Variants in PEX7 observed in about 807,000 individuals in gnomAD.
The protein encoded by PEX7 is PTS2 receptor.
A neutral mutation model predicts 47.5 loss-of-function variants in PEX7; 34 were observed. The ratio of observed to expected loss-of-function variants is 0.72; its 90% confidence interval spans 0.54 to 0.95. The LOEUF (loss-of-function observed/expected upper bound fraction) is 0.95, where lower values mean the gene tolerates loss of function less well. Ranked by LOEUF, PEX7 falls within the 40% of genes least tolerant of loss-of-function variation. The pLI, the probability that PEX7 is intolerant of heterozygous loss-of-function variation, is 0.00. For synonymous variants in PEX7, 141 were observed against 148.8 expected (o/e 0.95, Z 0.38); for missense variants, 394 against 400.3 (o/e 0.98, Z 0.13).
intron 3 of PEX7, among the ~76,000 whole-genome samples, chr6:136,829,851 CAT>C (rs1397800703): frequency 6.6e-6 from 1 of 152,086 alleles, no homozygotes; most frequent in Non-Finnish European, 1.5e-5. Flanking sequence ...GCACAAGAAT[CAT>C]TTGAGCATGG....
intron 8 of PEX7, among the ~76,000 whole-genome samples, chr6:136,896,196 CGTT>C (rs1775647327): frequency 6.6e-6 from 1 of 152,118 alleles, no homozygotes; most frequent in Non-Finnish European, 1.5e-5. Flanking sequence ...AATAAATTCT[CGTT>C]GTTTTGTATT....
At chr6:136,823,815 A>C (rs536011510) in intron 1 of PEX7, among the ~76,000 whole-genome samples, 2 of 152,270 alleles carry the variant, frequency 1.3e-5, no homozygotes, top group Admixed American at 1.3e-4. Context: ...GTTTGAACCC[A>C]GGAGGCAGAG....
intron 9 of PEX7, among the ~76,000 whole-genome samples, chr6:136,902,195 G>A (rs1775764312): frequency 6.6e-6 from 1 of 152,120 alleles, no homozygotes. Flanking sequence ...CCCTTAGAAA[G>A]TATCTTTCTC....
At chr6:136,844,692 T>C (rs1009923772) in intron 3 of PEX7, among the ~76,000 whole-genome samples, 4 of 152,112 alleles carry the variant, frequency 2.6e-5, no homozygotes, top group African/African-American at 9.7e-5. Flanking sequence ...TACTCTACTG[T>C]ATGTTTCTCT....
intron 5 of PEX7, among the ~76,000 whole-genome samples, chr6:136,853,703 A>AC (rs2115186852): frequency 6.6e-6 from 1 of 151,684 alleles, no homozygotes; most frequent in Non-Finnish European, 1.5e-5. Flanking sequence ...AGATTATGCA[A>AC]CTTTCTTTTT....
chr6:136,885,182 G>T (rs539637291), intron 8 of PEX7, among the ~76,000 whole-genome samples: 4 of 152,146 alleles, frequency 2.6e-5, no homozygotes, highest in African/African-American at 7.2e-5. Context: ...ATTAGGAAGA[G>T]CAGCATTCCG....
At chr6:136,913,277 G>A (rs1008205189) in intron 9 of PEX7, among the ~76,000 whole-genome samples, 181 bp from the exon 10 acceptor site, 1 of 152,136 alleles carries the variant, frequency 6.6e-6, no homozygotes, top group Non-Finnish European at 1.5e-5. Flanking sequence ...ATACCCTGAG[G>A]TATATCCTAA....
intron 3 of PEX7, among the ~76,000 whole-genome samples, chr6:136,829,781 TA>T (rs1470820915): frequency 1.3e-5 from 2 of 151,972 alleles, no homozygotes; most frequent in Non-Finnish European, 2.9e-5. Flanking sequence ...CTACTAAAAA[TA>T]AAAAAATTAG....
At chr6:136,825,062 T>C (rs1774162611) in intron 1 of PEX7, 152 bp from the exon 2 acceptor site, 1 of 687,626 alleles carries the variant, frequency 1.5e-6, no homozygotes, top group African/African-American at 1.8e-5. Context: ...AGGGAGAAAT[T>C]GATCACCTGA....
chr6:136,904,768 A>G (rs1775815784), intron 9 of PEX7, among the ~76,000 whole-genome samples: 1 of 151,660 alleles, frequency 6.6e-6, no homozygotes, highest in South Asian at 2.1e-4. Context: ...TCCCATTCTC[A>G]GATATGTCTT....
chr6:136,902,916 G>A (rs775138080), intron 9 of PEX7, among the ~76,000 whole-genome samples: 4 of 151,890 alleles, frequency 2.6e-5, no homozygotes, highest in Non-Finnish European at 4.4e-5. Flanking sequence ...TTCAGATGTC[G>A]CTGCTGTATG....
chr6:136,837,583 G>C (rs1027942634), intron 3 of PEX7, among the ~76,000 whole-genome samples: 7 of 152,020 alleles, frequency 4.6e-5, no homozygotes, highest in Non-Finnish European at 8.8e-5. Flanking sequence ...CCCTGAGTAT[G>C]GCCTCTAAAT....
chr6:136,846,143 G>T lies in PEX7; in HGVS notation c.488G>T (p.Trp163Leu), dbSNP rs1173171051. ...GAAAGTATTATTTATAGCACAATCT[G>T]GTCTCCCCACATCCCTGGTTGTTTT... ...GHESIIYSTI[W>L]SPHIPGCFAS... The change falls in exon 5 of 10, where the codon TGG becomes TTG. Residue 163 changes from tryptophan (W) to leucine (L), a missense_variant. Coordinates refer to ENST00000318471, the MANE Select transcript of PEX7 (RefSeq NM_000288.4). 1 of 1,613,100 alleles carries T rather than the reference G, an allele frequency of 6.2e-7. No homozygotes were observed. Among genetic ancestry groups the T allele is most frequent in the East Asian group, 2.2e-5 (1 of 44,846 alleles).
chr6:136,885,806 C>G (rs554513810), intron 8 of PEX7, among the ~76,000 whole-genome samples: 1 of 152,042 alleles, frequency 6.6e-6, no homozygotes, highest in Non-Finnish European at 1.5e-5. Flanking sequence ...TGGCACATTC[C>G]CAGGTAACAT....
At chr6:136,866,909 T>A (rs532350412) in intron 6 of PEX7, among the ~76,000 whole-genome samples, 176 bp downstream of exon 6, 1 of 152,358 alleles carries the variant, frequency 6.6e-6, no homozygotes, top group East Asian at 1.9e-4. Context: ...TTAATTGGAT[T>A]TAAGTGCTCA....
chr6:136,840,195 T>C (rs1356194191), intron 3 of PEX7, among the ~76,000 whole-genome samples: 1 of 152,186 alleles, frequency 6.6e-6, no homozygotes, highest in Non-Finnish European at 1.5e-5. Flanking sequence ...ACATGTAAGA[T>C]GTAAAAATGG....
chr6:136,912,793 C>G (rs1454487983), intron 9 of PEX7, among the ~76,000 whole-genome samples: 1 of 152,154 alleles, frequency 6.6e-6, no homozygotes, highest in Non-Finnish European at 1.5e-5. Flanking sequence ...TAATTTTATA[C>G]CCGGAGACAT....
intron 9 of PEX7, among the ~76,000 whole-genome samples, chr6:136,909,147 A>G (rs143817851): frequency 0.014 from 2,091 of 152,324 alleles, 31 homozygotes; most frequent in Non-Finnish European, 0.023. Flanking sequence ...TACTTCTGAC[A>G]CAGAGGAGGT....
At chr6:136,826,598 C>G (rs1774197798) in intron 3 of PEX7, 129 bp downstream of exon 3, 1 of 1,013,288 alleles carries the variant, frequency 9.9e-7, no homozygotes, top group Non-Finnish European at 1.5e-6. Context: ...CTTATACATA[C>G]TAGATGTCAC....
Sources: allele counts gnomAD v4.1 joint callset (sites outside exome capture counted in the v4.1 genomes callset), GRCh38; gene constraint gnomAD v4.1.1; transcripts MANE v1.5; gene names NCBI Gene and HGNC (gene_info 2026-07-23, HGNC 2026-07-21).